Variants in SH3BGRL observed in about 807,000 individuals in gnomAD.
SH3BGRL encodes the protein SH3 domain binding glutamate rich protein like, also known as adapter SH3BGRL.
SH3BGRL carries 7 observed loss-of-function variants against 9.8 expected under a neutral mutation model. The ratio of observed to expected loss-of-function variants is 0.72; its 90% confidence interval spans 0.41 to 1.35. The LOEUF is 1.35. Among genes scored for constraint, SH3BGRL ranks in the 40% most tolerant of loss-of-function variants. The pLI is 0.01. For synonymous variants in SH3BGRL, 36 were observed against 29.1 expected, an observed-to-expected ratio of 1.24 and a Z score of -0.76; for missense variants, 73 against 84.4, an observed-to-expected ratio of 0.86 and a Z score of 0.53.
chrX:81,234,034 A>T (rs1310812089), intron 1 of SH3BGRL, among the ~76,000 whole-genome samples: 2 of 111,376 alleles, frequency 1.8e-5, no homozygotes, highest in African/African-American at 6.5e-5. Context: ...CATTCAACAG[A>T]TTATTTTGTC....
At chrX:81,295,153 A>T (rs1336402410) in intron 3 of SH3BGRL, among the ~76,000 whole-genome samples, 1 of 111,777 alleles carries the variant, frequency 8.9e-6, no homozygotes, top group African/African-American at 3.3e-5. Flanking sequence ...ACTTTGTGGG[A>T]CTTTTGGGAA....
chrX:81,223,218 C>T (rs1474720590), intron 1 of SH3BGRL, among the ~76,000 whole-genome samples: 1 of 111,653 alleles, frequency 9.0e-6, no homozygotes, highest in African/African-American at 3.3e-5. Context: ...GTTGCCATTG[C>T]TTTTGTTGTT....
chrX:81,285,965 A>T (rs1479592006), intron 3 of SH3BGRL, among the ~76,000 whole-genome samples: 3 of 112,046 alleles, frequency 2.7e-5, no homozygotes. Context: ...AATAATTGAA[A>T]CCAATGCACT....
chrX:81,246,953 T>C (rs2075691716), intron 1 of SH3BGRL, among the ~76,000 whole-genome samples: 1 of 112,300 alleles, frequency 8.9e-6, no homozygotes, highest in Non-Finnish European at 1.9e-5. Flanking sequence ...ATATAAAGTT[T>C]TTCCATTTGT....
intron 2 of SH3BGRL, among the ~76,000 whole-genome samples, chrX:81,277,912 T>C (rs1289711165): frequency 1.8e-5 from 2 of 112,255 alleles, no homozygotes; most frequent in African/African-American, 3.2e-5. Flanking sequence ...TTAGTCTCTC[T>C]GTCCCCAAGG....
At chrX:81,296,972 G>T (rs1255186727) in intron 3 of SH3BGRL, among the ~76,000 whole-genome samples, 1 of 111,628 alleles carries the variant, frequency 9.0e-6, no homozygotes, top group Non-Finnish European at 1.9e-5. Flanking sequence ...TTTCATGAAA[G>T]TATTCCAAAT....
intron 1 of SH3BGRL, among the ~76,000 whole-genome samples, chrX:81,244,229 T>TG (rs1392234846): frequency 1.8e-5 from 2 of 111,463 alleles, no homozygotes; most frequent in Middle Eastern, 4.6e-3. Context: ...AAAGGAGTGC[T>TG]GGGGGGACAC....
intron 1 of SH3BGRL, among the ~76,000 whole-genome samples, chrX:81,266,839 C>T (rs1237144979): frequency 1.8e-5 from 2 of 112,199 alleles, no homozygotes; most frequent in Non-Finnish European, 3.8e-5. Context: ...TATCCATGAG[C>T]ATGGAATGTT....
At chrX:81,202,453 C>T in intron 1 of SH3BGRL, 2 of 995,680 alleles carry the variant, frequency 2.0e-6, no homozygotes, top group African/African-American at 2.1e-5. Flanking sequence ...GCTTTGTTTG[C>T]TTCGTGACGT....
chrX:81,215,422 T>A (rs5959853), intron 1 of SH3BGRL, among the ~76,000 whole-genome samples: 3,022 of 110,897 alleles, frequency 0.027, 104 homozygotes, highest in African/African-American at 0.094. Context: ...TCATTGAGAA[T>A]ATACTTGTTG....
chrX:81,241,021 T>A (rs998032943), intron 1 of SH3BGRL, among the ~76,000 whole-genome samples: 1 of 112,837 alleles, frequency 8.9e-6, no homozygotes, highest in African/African-American at 3.2e-5. Context: ...GGCCTGGAAA[T>A]CCATCCCTGC....
chrX:81,288,213 A>T (rs998472476), intron 3 of SH3BGRL, among the ~76,000 whole-genome samples: 1 of 112,189 alleles, frequency 8.9e-6, no homozygotes, highest in East Asian at 2.8e-4. Context: ...ATTGATGCTG[A>T]AAAAGCATTT....
At chrX:81,278,231 G>T in intron 2 of SH3BGRL, 100 bp from the exon 3 acceptor site, 3 of 567,749 alleles carry the variant, frequency 5.3e-6, no homozygotes, top group Non-Finnish European at 2.8e-6. Flanking sequence ...CCAAAGTGTT[G>T]GGATTACAGG....
chrX:81,293,602 G>A (rs890085907), intron 3 of SH3BGRL, among the ~76,000 whole-genome samples: 3 of 112,122 alleles, frequency 2.7e-5, no homozygotes, highest in Non-Finnish European at 5.6e-5. Flanking sequence ...AGGATCACTT[G>A]AATCAGGGAG....
chrX:81,270,761 A>G (rs2075775768), intron 1 of SH3BGRL, among the ~76,000 whole-genome samples: 1 of 111,872 alleles, frequency 8.9e-6, no homozygotes, highest in Non-Finnish European at 1.9e-5. Context: ...CTCTCTTCAG[A>G]GCTGCCAGGC....
At chrX:81,262,322 G>A (rs759422456) in intron 1 of SH3BGRL, among the ~76,000 whole-genome samples, 1 of 111,595 alleles carries the variant, frequency 9.0e-6, no homozygotes. Context: ...CAATAAGTCC[G>A]TTGCTATAAT....
At chrX:81,252,978 A>G (rs1236504129) in intron 1 of SH3BGRL, among the ~76,000 whole-genome samples, 1 of 112,466 alleles carries the variant, frequency 8.9e-6, no homozygotes, top group Non-Finnish European at 1.9e-5. Context: ...TTTTTCATAC[A>G]CTTTACTTTC....
intron 1 of SH3BGRL, among the ~76,000 whole-genome samples, chrX:81,202,892 T>C (rs1353198547): frequency 9.0e-6 from 1 of 111,441 alleles, no homozygotes; most frequent in African/African-American, 3.3e-5. Context: ...CCCCATATTG[T>C]CCCTTATTTT....
intron 1 of SH3BGRL, among the ~76,000 whole-genome samples, chrX:81,272,778 C>T (rs2075785346): frequency 9.0e-6 from 1 of 111,234 alleles, no homozygotes; most frequent in African/African-American, 3.3e-5. Context: ...GGATTACAGG[C>T]GTGAGCCACC....
Sources: gnomAD v4.1 joint callset for allele counts (sites outside exome capture counted in the v4.1 genomes callset) on GRCh38, gnomAD v4.1.1 for gene constraint, MANE v1.5 for transcripts, NCBI Gene and HGNC (gene_info 2026-07-23, HGNC 2026-07-21) for gene names.